Variants in MALRD1 observed in about 807,000 individuals in gnomAD.
MALRD1 encodes the protein MAM and LDL receptor class A domain containing 1.
A neutral mutation model predicts 242.1 loss-of-function variants in MALRD1; 247 were observed. The ratio of observed to expected loss-of-function variants is 1.02; its 90% CI spans 0.92 to 1.13. The LOEUF is 1.13. Ranked by LOEUF, MALRD1 falls within the 50% of genes most tolerant of loss-of-function variation. The probability of loss-of-function intolerance (pLI) is 0.00; values close to 1 mark genes in which losing one functional copy is unlikely to be tolerated. For synonymous variants in MALRD1, 995 were observed against 866.6 expected (o/e 1.15, Z -2.60); for missense variants, 2,989 against 2,533.1 (o/e 1.18, Z -3.86).
chr10:19,713,440 G>A (rs545888743), intron 38 of MALRD1, among the ~76,000 whole-genome samples: 88 of 152,286 alleles, frequency 5.8e-4, no homozygotes, highest in African/African-American at 2.0e-3. Flanking sequence ...GAAAATAAAA[G>A]ACTTTGGCTC....
At chr10:19,476,682 C>T (rs1402968916) in intron 29 of MALRD1, among the ~76,000 whole-genome samples, 6 of 152,138 alleles carry the variant, frequency 3.9e-5, no homozygotes, top group Admixed American at 2.0e-4. Flanking sequence ...ATAGCCTGAG[C>T]GGTCATCTCG....
intron 29 of MALRD1, among the ~76,000 whole-genome samples, chr10:19,461,892 C>T (rs1014418210): frequency 2.6e-5 from 4 of 152,090 alleles, no homozygotes; most frequent in Admixed American, 2.0e-4. Context: ...TCTACTTTAC[C>T]GTACATAAAG....
At chr10:19,330,194 A>G (rs1490760954) in intron 23 of MALRD1, among the ~76,000 whole-genome samples, 1 of 152,036 alleles carries the variant, frequency 6.6e-6, no homozygotes, top group Non-Finnish European at 1.5e-5. Context: ...TATGAAGAGC[A>G]GTCTATTCCT....
intron 28 of MALRD1, among the ~76,000 whole-genome samples, chr10:19,425,770 T>A (rs1390605305): frequency 6.6e-6 from 1 of 152,194 alleles, no homozygotes; most frequent in Non-Finnish European, 1.5e-5. Flanking sequence ...CATGGAAACG[T>A]CTGTGGTCCT....
At position 19,542,022 on chromosome 10, in the gene MALRD1, C is replaced by G. The variant is rs570090557; in HGVS notation, c.5478+10671C>G. On this transcript the variant is annotated intron_variant, in intron 32 of 39. Coordinates refer to ENST00000454679, the MANE Select transcript of MALRD1 (RefSeq NM_001142308.3). Reference sequence around the variant, plus strand: ...AATCTAATATGACCTTCAAAATAGACTTTCTTTTCACAATATAATAAAAGT... The same window carrying G: ...AATCTAATATGACCTTCAAAATAGAGTTTCTTTTCACAATATAATAAAAGT... Among the ~76,000 whole-genome samples the G allele has an allele frequency of 1.3e-3, 198 of 152,194 alleles. 2 individuals are homozygous for G. The highest frequency in any genetic ancestry group is 1.6e-3 in the Non-Finnish European group (110 of 68,000).
At chr10:19,644,333 T>G (rs1840551334) in intron 36 of MALRD1, among the ~76,000 whole-genome samples, 1 of 152,192 alleles carries the variant, frequency 6.6e-6, no homozygotes, top group Non-Finnish European at 1.5e-5. Flanking sequence ...ATACCTGATC[T>G]GGTGAGGAAA....
chr10:19,370,287 A>T (rs914128349), intron 26 of MALRD1, among the ~76,000 whole-genome samples: 1 of 152,108 alleles, frequency 6.6e-6, no homozygotes, highest in Non-Finnish European at 1.5e-5. Context: ...ATTGATTATC[A>T]TATTATTAAA....
chr10:19,503,628 C>T (rs953211505), intron 31 of MALRD1, among the ~76,000 whole-genome samples: 4 of 152,202 alleles, frequency 2.6e-5, no homozygotes, highest in Non-Finnish European at 2.9e-5. Context: ...CTCTCTTTTT[C>T]CCTTCCTTCA....
At chr10:19,732,166 A>G (rs1036687861) in intron 39 of MALRD1, among the ~76,000 whole-genome samples, 3 of 152,248 alleles carry the variant, frequency 2.0e-5, no homozygotes, top group Non-Finnish European at 2.9e-5. Flanking sequence ...AAAAAAACAC[A>G]TACACATTTA....
chr10:19,181,757 A>T (rs963782295), intron 14 of MALRD1, among the ~76,000 whole-genome samples: 4 of 152,190 alleles, frequency 2.6e-5, no homozygotes, highest in South Asian at 4.1e-4. Context: ...AAGGGCAATT[A>T]TGTGAGATAA....
intron 21 of MALRD1, among the ~76,000 whole-genome samples, chr10:19,320,068 T>C (rs930824145): frequency 7.6e-6 from 1 of 131,960 alleles, no homozygotes; most frequent in Non-Finnish European, 1.7e-5. Flanking sequence ...TTTTTTCAAA[T>C]TTTACTTTAG....
rs774610118 is a variant in MALRD1 at position 19,312,408 on chromosome 10, ATG to A, written c.3420-11522_3420-11521del. Among the ~76,000 whole-genome samples the A allele has an allele frequency of 3.0e-3, 439 of 143,940 alleles. 1 individual carries two copies. Among genetic ancestry groups the A allele is most frequent in the African/African-American group, 9.7e-3 (380 of 39,178 alleles). The allele number at this position is 143,940 out of a possible 152,430, so 94.4% of individuals were successfully genotyped here. A position where few individuals can be genotyped will look rare whatever the true frequency, so the allele number is the denominator to read the frequency against. On this transcript the variant is annotated intron_variant, in intron 21 of 39. Coordinates refer to ENST00000454679, the MANE Select transcript of MALRD1 (RefSeq NM_001142308.3). ...TATATATATATATATATATGTGTATATGTGTGTGTGTGTGTGTGTGAGAGAGA... is the reference window on the plus strand; with the variant it reads ...TATATATATATATATATATGTGTATATGTGTGTGTGTGTGTGTGAGAGAGA...
intron 14 of MALRD1, among the ~76,000 whole-genome samples, 174 bp downstream of exon 14, chr10:19,175,502 G>A (rs963383759): frequency 2.9e-5 from 4 of 137,516 alleles, no homozygotes; most frequent in South Asian, 4.5e-4. Flanking sequence ...GTAAACATCT[G>A]GTCTAGTCCT....
intron 36 of MALRD1, among the ~76,000 whole-genome samples, chr10:19,629,861 G>A (rs1236942150): frequency 6.6e-6 from 1 of 152,192 alleles, no homozygotes; most frequent in Non-Finnish European, 1.5e-5. Context: ...TGCTCAGCCA[G>A]CATGAGTTTA....
intron 11 of MALRD1, among the ~76,000 whole-genome samples, chr10:19,149,455 G>A (rs191282310): frequency 5.3e-5 from 8 of 151,868 alleles, no homozygotes; most frequent in South Asian, 2.1e-4. Flanking sequence ...AATTTCCATC[G>A]AAATAGGCAA....
In MALRD1 at chr10:19,393,671, T is replaced by C. The variant is rs568098553; in HGVS notation, c.4845+4062T>C. 5.5e-5 allele frequency among the ~76,000 whole-genome samples: 8 copies of C among 146,706 alleles called. No individual in the cohort carries two copies. The East Asian group carries it at 1.6e-3, about 29-fold the overall frequency. ...CAGAGTTTCACCATGTTAGCCAGGA[T>C]GGTCTCCATCGCCTGACCTCGTGAT... On this transcript the variant is annotated intron_variant, in intron 28 of 39. Coordinates refer to ENST00000454679, the MANE Select transcript of MALRD1 (RefSeq NM_001142308.3).
At chr10:19,055,099 G>T (rs1834622987) in intron 1 of MALRD1, among the ~76,000 whole-genome samples, 1 of 152,206 alleles carries the variant, frequency 6.6e-6, no homozygotes. Context: ...CATTCTAACA[G>T]ATATGAGATT....
At chr10:19,311,732 C>T (rs961807388) in intron 21 of MALRD1, among the ~76,000 whole-genome samples, 1 of 151,268 alleles carries the variant, frequency 6.6e-6, no homozygotes, top group African/African-American at 2.4e-5. Flanking sequence ...TTAAATTATC[C>T]TGAATTTGAC....
intron 34 of MALRD1, among the ~76,000 whole-genome samples, chr10:19,598,096 A>G (rs1838188546): frequency 6.6e-6 from 1 of 152,100 alleles, no homozygotes; most frequent in Non-Finnish European, 1.5e-5. Context: ...TGGATATGGG[A>G]TGGATTGGAG....
Sources: allele counts gnomAD v4.1 joint callset (sites outside exome capture counted in the v4.1 genomes callset), GRCh38; gene constraint gnomAD v4.1.1; transcripts MANE v1.5; gene names NCBI Gene and HGNC (gene_info 2026-07-23, HGNC 2026-07-21).